The following MAGI2 variants were observed in gnomAD, a reference collection of about 807,000 sequenced individuals.
MAGI2 encodes membrane associated guanylate kinase, WW and PDZ domain containing 2, also known as membrane-associated guanylate kinase, WW and PDZ domain-containing protein 2.
A neutral mutation model predicts 133.3 loss-of-function variants in MAGI2; 35 were observed. That is an observed-to-expected ratio of 0.26 (90% CI 0.20 to 0.35). The LOEUF (loss-of-function observed/expected upper bound fraction) is 0.35. MAGI2 is among the 10% of genes least tolerant of loss of function. MAGI2 has a pLI of 1.00. For synonymous variants in MAGI2, 729 were observed against 710.6 expected, an observed-to-expected ratio of 1.03 and a Z score of -0.41; for missense variants, 1,636 against 1,863.4, an observed-to-expected ratio of 0.88 and a Z score of 2.25.
chr7:79,363,292 C>T (rs939871217), intron 1 of MAGI2, among the ~76,000 whole-genome samples: 2 of 149,170 alleles, frequency 1.3e-5, no homozygotes, highest in Non-Finnish European at 3.0e-5. Flanking sequence ...GATTAAAATG[C>T]TGATCTTCCA....
intron 20 of MAGI2, among the ~76,000 whole-genome samples, chr7:78,109,647 A>T (rs1240669250): frequency 1.3e-5 from 2 of 152,144 alleles, no homozygotes; most frequent in African/African-American, 2.4e-5. Flanking sequence ...AAAACAAAAC[A>T]AAAAAACTTG....
intron 2 of MAGI2, among the ~76,000 whole-genome samples, chr7:78,977,626 T>C (rs1479070646): frequency 6.6e-6 from 1 of 151,756 alleles, no homozygotes; most frequent in Non-Finnish European, 1.5e-5. Flanking sequence ...CTATGTGAAC[T>C]CTTGTTTGGT....
At chr7:79,120,845 G>A (rs984282221) in intron 1 of MAGI2, among the ~76,000 whole-genome samples, 3 of 152,024 alleles carry the variant, frequency 2.0e-5, no homozygotes, top group Admixed American at 6.6e-5. Context: ...TATAAAAACC[G>A]AAACTACTTC....
intron 1 of MAGI2, among the ~76,000 whole-genome samples, chr7:79,094,628 A>T (rs945265512): frequency 3.3e-5 from 5 of 152,206 alleles, no homozygotes; most frequent in African/African-American, 4.8e-5. Flanking sequence ...AAATAACAAG[A>T]TGTGGAAGTT....
intron 1 of MAGI2, among the ~76,000 whole-genome samples, chr7:79,071,425 G>A (rs1262044435): frequency 6.6e-6 from 1 of 152,158 alleles, no homozygotes; most frequent in Admixed American, 6.5e-5. Context: ...ATACACGGGG[G>A]TCAGGGACCC....
chr7:78,088,039 G>A (rs1816814175), intron 20 of MAGI2, among the ~76,000 whole-genome samples: 1 of 152,126 alleles, frequency 6.6e-6, no homozygotes, highest in Admixed American at 6.6e-5. Context: ...ACTTATATTA[G>A]GTCATGAAGT....
chr7:79,095,250 C>T (rs966982739), intron 1 of MAGI2, among the ~76,000 whole-genome samples: 1 of 152,206 alleles, frequency 6.6e-6, no homozygotes, highest in East Asian at 1.9e-4. Flanking sequence ...TCTGGATTAA[C>T]CTTTGACACA....
intron 6 of MAGI2, among the ~76,000 whole-genome samples, chr7:78,393,451 T>C (rs949814595): frequency 1.3e-5 from 2 of 152,218 alleles, no homozygotes; most frequent in African/African-American, 2.4e-5. Context: ...GAGATGACCC[T>C]GGCTGGAGTC....
chr7:78,301,132 G>A (rs948622303), intron 9 of MAGI2, among the ~76,000 whole-genome samples: 3 of 152,186 alleles, frequency 2.0e-5, no homozygotes, highest in Non-Finnish European at 2.9e-5. Context: ...TAATGACCAT[G>A]TCATGCTTCC....
intron 2 of MAGI2, among the ~76,000 whole-genome samples, chr7:78,632,070 G>A (rs7790669): frequency 0.27 from 41,713 of 152,006 alleles, 6,084 homozygotes; most frequent in Middle Eastern, 0.37. Flanking sequence ...CTATTGCCTC[G>A]AAGAGCAGAA....
In MAGI2 at chr7:78,652,201, C is replaced by T. The variant is rs558405260; in HGVS notation, c.419-24962G>A. ...TTAAGATTTTACATATGTGAATTTC[C>T]GTTATAGATCTCCAGTCTCAAGTGA... is the stretch of plus-strand genomic sequence containing the variant. On this transcript the variant is annotated intron_variant, in intron 2 of 21. Transcript: ENST00000354212. Among the ~76,000 whole-genome samples, 24 of 152,170 alleles carry T rather than the reference C, an allele frequency of 1.6e-4. No individual in the cohort carries two copies. The South Asian group carries it at 2.1e-3, about 13-fold the overall frequency.
chr7:78,799,216 T>C (rs1482338688), intron 2 of MAGI2, among the ~76,000 whole-genome samples: 1 of 152,138 alleles, frequency 6.6e-6, no homozygotes, highest in Non-Finnish European at 1.5e-5. Flanking sequence ...TATTGAGATA[T>C]GCTTGGTGTT....
At chr7:78,897,672 C>T (rs1008668101) in intron 2 of MAGI2, among the ~76,000 whole-genome samples, 1 of 152,108 alleles carries the variant, frequency 6.6e-6, no homozygotes, top group South Asian at 2.1e-4. Context: ...GTGAAGAATG[C>T]CACTGGTAGT....
chr7:79,122,787 G>A (rs960139335), intron 1 of MAGI2, among the ~76,000 whole-genome samples: 1 of 151,812 alleles, frequency 6.6e-6, no homozygotes, highest in African/African-American at 2.4e-5. Flanking sequence ...CACCTCCCAG[G>A]TTCAAGTAAT....
intron 2 of MAGI2, among the ~76,000 whole-genome samples, chr7:78,903,130 G>T (rs1212118315): frequency 6.8e-6 from 1 of 146,308 alleles, no homozygotes; most frequent in Non-Finnish European, 1.5e-5. Context: ...CACATTGCTA[G>T]GGCCACTTTC....
intron 2 of MAGI2, among the ~76,000 whole-genome samples, chr7:78,743,659 T>C (rs937951055): frequency 4.6e-5 from 7 of 152,242 alleles, no homozygotes; most frequent in Non-Finnish European, 1.0e-4. Flanking sequence ...CATAAATCCA[T>C]ATTTGTTAAA....
At chr7:78,946,878 T>C (rs1183789372) in intron 2 of MAGI2, 1 of 152,158 alleles carries the variant, frequency 6.6e-6, no homozygotes, top group East Asian at 1.9e-4. Flanking sequence ...CTTATCTTTA[T>C]TGATTGAAGT....
intron 3 of MAGI2, among the ~76,000 whole-genome samples, chr7:78,533,227 C>T (rs1797612841): frequency 1.3e-5 from 2 of 152,146 alleles, no homozygotes; most frequent in Admixed American, 1.3e-4. Flanking sequence ...GCCTTTCATA[C>T]CATCCTTCAA....
At chr7:78,892,285 A>G (rs1480155892) in intron 2 of MAGI2, among the ~76,000 whole-genome samples, 1 of 152,170 alleles carries the variant, frequency 6.6e-6, no homozygotes, top group African/African-American at 2.4e-5. Flanking sequence ...AATCAATATC[A>G]TGAAAATGGC....
Sources: allele counts gnomAD v4.1 joint callset (sites outside exome capture counted in the v4.1 genomes callset), GRCh38; gene constraint gnomAD v4.1.1; transcripts MANE v1.5; gene names NCBI Gene and HGNC (gene_info 2026-07-23, HGNC 2026-07-21).